The following EEIG2 variants were observed in gnomAD, a reference collection of about 807,000 sequenced individuals.
The protein encoded by EEIG2 is EEIG family member 2, also known as family with sequence similarity 102 member B.
At chr1:108,580,691 A>G in the EEIG2 span, among the ~76,000 whole-genome samples, 2 of 111,964 alleles carry the variant, frequency 1.8e-5, no homozygotes, top group East Asian at 2.8e-4. Flanking sequence ...AAATTCCCTT[A>G]AGCCTACTCC....
At chr1:108,561,259 G>T in the EEIG2 span, among the ~76,000 whole-genome samples, 1 of 152,214 alleles carries the variant, frequency 6.6e-6, no homozygotes, top group African/African-American at 2.4e-5. Flanking sequence ...GTTACAGAAT[G>T]AAGCTATTAA....
chr1:108,615,662 G>A, the EEIG2 span, among the ~76,000 whole-genome samples: 2 of 151,800 alleles, frequency 1.3e-5, no homozygotes, highest in Admixed American at 6.6e-5. Context: ...TGCACCTATA[G>A]TCCCAGCTAC....
the EEIG2 span, among the ~76,000 whole-genome samples, chr1:108,579,811 C>T: frequency 0.82 from 119,049 of 145,314 alleles, 50,621 homozygotes; most frequent in Non-Finnish European, 0.94. Flanking sequence ...AACCCACTCT[C>T]TTATCACCCA....
the EEIG2 span, among the ~76,000 whole-genome samples, chr1:108,561,569 G>A: frequency 1.3e-5 from 2 of 151,802 alleles, no homozygotes; most frequent in East Asian, 3.8e-4. Context: ...TTGTGGAATT[G>A]GGGCTAGAAA....
At chr1:108,578,743 G>A in the EEIG2 span, among the ~76,000 whole-genome samples, 9 of 150,378 alleles carry the variant, frequency 6.0e-5, no homozygotes, top group East Asian at 2.0e-4. Flanking sequence ...CGGATCTCTC[G>A]GCAGAAACCC....
chr1:108,632,111 CAAAAA>C, the EEIG2 span, among the ~76,000 whole-genome samples: 1 of 65,378 alleles, frequency 1.5e-5, no homozygotes. Context: ...GAGACTGTCT[CAAAAA>C]AAAAAAAAAA....
chr1:108,629,675 T>A, the EEIG2 span: 3 of 1,584,250 alleles, frequency 1.9e-6, no homozygotes, highest in Non-Finnish European at 2.6e-6. Flanking sequence ...GTACAAATAG[T>A]GTCTTATTAA....
chr1:108,573,312 C>T, the EEIG2 span, among the ~76,000 whole-genome samples: 3 of 152,212 alleles, frequency 2.0e-5, no homozygotes, highest in African/African-American at 4.8e-5. Context: ...AAGATTCCTG[C>T]CGATTCATCC....
At chr1:108,628,591 TTTTAG>T in the EEIG2 span, 13 of 1,592,284 alleles carry the variant, frequency 8.2e-6, no homozygotes, top group South Asian at 9.3e-5. Flanking sequence ...GCAGGTATCC[TTTTAG>T]TTTAAAGAAT....
the EEIG2 span, among the ~76,000 whole-genome samples, chr1:108,579,793 G>GAGAGAGAGAGAGAGAGAGAGAGAA: frequency 1.3e-5 from 2 of 150,382 alleles, no homozygotes; most frequent in Non-Finnish European, 3.0e-5. Context: ...GAGAGAGAGA[G>GAGAGAGAGAGAGAGAGAGAGAGAA]AGAAAGAAAC....
At chr1:108,574,704 C>G in the EEIG2 span, among the ~76,000 whole-genome samples, 2 of 152,274 alleles carry the variant, frequency 1.3e-5, no homozygotes, top group East Asian at 3.9e-4. Flanking sequence ...GAGCTGAGAT[C>G]GTGCCATTGC....
At chr1:108,616,399 A>C in the EEIG2 span, 3 of 1,602,658 alleles carry the variant, frequency 1.9e-6, no homozygotes, top group Non-Finnish European at 2.6e-6. Flanking sequence ...TCAGTATGCA[A>C]CTGATGTCTG....
chr1:108,580,848 T>C, the EEIG2 span, among the ~76,000 whole-genome samples: 1 of 152,142 alleles, frequency 6.6e-6, no homozygotes, highest in African/African-American at 2.4e-5. Context: ...AGTGCTAAAG[T>C]AAGAGCGCAG....
chr1:108,574,759 G>C, the EEIG2 span, among the ~76,000 whole-genome samples: 1 of 152,020 alleles, frequency 6.6e-6, no homozygotes, highest in Admixed American at 6.6e-5. Context: ...TCAAAGAAAA[G>C]GGGGGGTTAG....
the EEIG2 span, among the ~76,000 whole-genome samples, chr1:108,604,321 T>C: frequency 6.6e-6 from 1 of 152,232 alleles, no homozygotes; most frequent in Non-Finnish European, 1.5e-5. Flanking sequence ...TTTGCTGCTG[T>C]GTTAGATGAA....
At chr1:108,612,088 T>A in the EEIG2 span, 5 of 834,446 alleles carry the variant, frequency 6.0e-6, no homozygotes, top group Non-Finnish European at 9.1e-6. Context: ...AGAAAACCTG[T>A]CTAGGGTATG....
At chr1:108,633,600 G>A in the EEIG2 span, among the ~76,000 whole-genome samples, 2 of 152,140 alleles carry the variant, frequency 1.3e-5, no homozygotes, top group Non-Finnish European at 2.9e-5. Context: ...AAGTCTGCCT[G>A]TATTTTTATT....
the EEIG2 span, among the ~76,000 whole-genome samples, chr1:108,619,444 C>T: frequency 6.6e-6 from 1 of 152,140 alleles, no homozygotes; most frequent in African/African-American, 2.4e-5. Context: ...ATTTTAACTA[C>T]TGATGTAAAA....
At chr1:108,570,384 T>C in the EEIG2 span, among the ~76,000 whole-genome samples, 1 of 152,100 alleles carries the variant, frequency 6.6e-6, no homozygotes, top group South Asian at 2.1e-4. Flanking sequence ...TGTGCTGTAG[T>C]CTAGGGAGCC....
Sources: allele counts gnomAD v4.1 joint callset (sites outside exome capture counted in the v4.1 genomes callset), GRCh38; gene constraint gnomAD v4.1.1; transcripts MANE v1.5; gene names NCBI Gene and HGNC (gene_info 2026-07-23, HGNC 2026-07-21).